Variants in PRELID2 observed in about 807,000 individuals in gnomAD.
PRELID2 encodes the protein PRELI domain containing 2.
A neutral mutation model predicts 28.4 loss-of-function variants in PRELID2; 25 were observed. That is an observed-to-expected ratio of 0.88 (90% CI 0.64 to 1.23). The LOEUF is 1.23. PRELID2 is among the 50% of genes most tolerant of loss of function. The pLI is 0.00. For synonymous variants in PRELID2, 76 were observed against 71.6 expected (o/e 1.06, Z -0.31); for missense variants, 201 against 214.4 (o/e 0.94, Z 0.39).
the PRELID2 span, among the ~76,000 whole-genome samples, chr5:145,441,749 T>C: frequency 6.6e-6 from 1 of 152,066 alleles, no homozygotes; most frequent in Admixed American, 6.6e-5. Flanking sequence ...CCGCCACACA[T>C]TGCCTCTGCA....
chr5:145,357,421 A>G, the PRELID2 span, among the ~76,000 whole-genome samples: 4 of 152,150 alleles, frequency 2.6e-5, no homozygotes, highest in African/African-American at 9.7e-5. Flanking sequence ...ATTTCTCAGA[A>G]GTTTTATTCA....
intron 1 of PRELID2, among the ~76,000 whole-genome samples, chr5:145,517,531 A>C (rs1752527465): frequency 6.6e-6 from 1 of 152,206 alleles, no homozygotes. Flanking sequence ...GAACAATTTT[A>C]CACTGTTGGT....
the PRELID2 span, among the ~76,000 whole-genome samples, chr5:145,466,368 A>G: frequency 6.6e-6 from 1 of 152,150 alleles, no homozygotes; most frequent in Admixed American, 6.6e-5. Flanking sequence ...CTTTGTGACA[A>G]TTTAAATGAA....
At chr5:145,481,015 T>C (rs1238708885) in intron 1 of PRELID2, among the ~76,000 whole-genome samples, 3 of 152,212 alleles carry the variant, frequency 2.0e-5, no homozygotes, top group Admixed American at 2.0e-4. Context: ...TCCATGGCTC[T>C]AAATTTTTAT....
At chr5:145,388,684 TC>T in the PRELID2 span, among the ~76,000 whole-genome samples, 1 of 152,122 alleles carries the variant, frequency 6.6e-6, no homozygotes, top group Non-Finnish European at 1.5e-5. Context: ...CTCATTTCCA[TC>T]TCAGGGATTG....
the PRELID2 span, among the ~76,000 whole-genome samples, chr5:145,289,929 G>A: frequency 1.3e-5 from 2 of 152,020 alleles, no homozygotes; most frequent in African/African-American, 2.4e-5. Context: ...CAGACTTTTT[G>A]CCATTTTTTA....
chr5:145,406,580 A>T, the PRELID2 span, among the ~76,000 whole-genome samples: 1 of 152,216 alleles, frequency 6.6e-6, no homozygotes, highest in East Asian at 1.9e-4. Flanking sequence ...AGACAGAACT[A>T]ATGTGGAGCT....
intron 6 of PRELID2, among the ~76,000 whole-genome samples, chr5:145,761,615 C>A (rs1227392457): frequency 2.0e-5 from 3 of 152,106 alleles, no homozygotes; most frequent in African/African-American, 4.8e-5. Context: ...CTTCAAGGAC[C>A]AGACAGTAAA....
the PRELID2 span, among the ~76,000 whole-genome samples, chr5:145,427,947 G>A: frequency 2.6e-5 from 4 of 152,144 alleles, no homozygotes; most frequent in Non-Finnish European, 5.9e-5. Context: ...TATGAAAACA[G>A]TTCAATTTCT....
chr5:145,802,885 G>A (rs1329196176), intron 4 of PRELID2, among the ~76,000 whole-genome samples: 4 of 152,136 alleles, frequency 2.6e-5, no homozygotes, highest in Admixed American at 2.6e-4. Context: ...TATGGATCAG[G>A]AATTAATCCC....
At chr5:145,344,649 C>A in the PRELID2 span, among the ~76,000 whole-genome samples, 1 of 151,892 alleles carries the variant, frequency 6.6e-6, no homozygotes, top group Non-Finnish European at 1.5e-5. Context: ...TGTTCTTAAC[C>A]ACACAGAATC....
At chr5:145,460,187 C>G in the PRELID2 span, among the ~76,000 whole-genome samples, 1 of 152,196 alleles carries the variant, frequency 6.6e-6, no homozygotes, top group Non-Finnish European at 1.5e-5. Flanking sequence ...TACAACCCAA[C>G]TGCAATTATC....
At chr5:145,615,470 G>T (rs1753684188) in intron 1 of PRELID2, among the ~76,000 whole-genome samples, 1 of 143,036 alleles carries the variant, frequency 7.0e-6, no homozygotes, top group South Asian at 2.2e-4. Flanking sequence ...GGGACTACAG[G>T]TGCCCGCCAC....
At chr5:145,557,802 G>C (rs546210991) in intron 1 of PRELID2, among the ~76,000 whole-genome samples, 5 of 152,140 alleles carry the variant, frequency 3.3e-5, no homozygotes, top group African/African-American at 1.2e-4. Context: ...TTAGTAAATG[G>C]CAGCACCAAA....
rs896776121 is a variant in PRELID2, at chr5:145,758,156, A to C, written c.*2380T>G. ...CAATTCTGAATTGGTTGCCAATAAA[A>C]AACTAGGAGATTTTTTTTTTAATTC... On this transcript the variant is annotated 3_prime_UTR_variant, in exon 7 of 7. Transcript: ENST00000683046. Among the ~76,000 whole-genome samples, 1 of 152,002 alleles carries C rather than the reference A, an allele frequency of 6.6e-6. No homozygotes were observed. Among genetic ancestry groups the C allele is most frequent in the African/African-American group, 2.4e-5 (1 of 41,414 alleles).
At chr5:145,356,093 A>T in the PRELID2 span, among the ~76,000 whole-genome samples, 1 of 152,146 alleles carries the variant, frequency 6.6e-6, no homozygotes, top group Non-Finnish European at 1.5e-5. Flanking sequence ...CAGCACCACT[A>T]AGTAGTCCCA....
At chr5:145,295,984 G>T in the PRELID2 span, among the ~76,000 whole-genome samples, 1 of 151,962 alleles carries the variant, frequency 6.6e-6, no homozygotes, top group Non-Finnish European at 1.5e-5. Flanking sequence ...AATAAATCTT[G>T]GTGCAAAGCT....
the PRELID2 span, among the ~76,000 whole-genome samples, chr5:145,428,729 G>T: frequency 1.3e-5 from 2 of 152,040 alleles, no homozygotes; most frequent in African/African-American, 4.8e-5. Context: ...GTTTATTGGG[G>T]GCTATTTAAA....
At chr5:145,291,495 C>A in the PRELID2 span, among the ~76,000 whole-genome samples, 4 of 151,958 alleles carry the variant, frequency 2.6e-5, no homozygotes, top group South Asian at 2.1e-4. Flanking sequence ...AGCTTCAGAG[C>A]GAGGATAGGA....
Sources: gnomAD v4.1 joint callset for allele counts (sites outside exome capture counted in the v4.1 genomes callset) on GRCh38, gnomAD v4.1.1 for gene constraint, MANE v1.5 for transcripts, NCBI Gene and HGNC (gene_info 2026-07-23, HGNC 2026-07-21) for gene names.